The following RBPMS variants were observed in gnomAD, a reference collection of about 807,000 sequenced individuals.
The protein encoded by RBPMS is RNA binding protein, mRNA processing factor, also known as RNA-binding protein with multiple splicing.
A neutral mutation model predicts 26.8 loss-of-function variants in RBPMS; 7 were observed. The ratio of observed to expected loss-of-function variants is 0.26; its 90% CI spans 0.15 to 0.49. The LOEUF (loss-of-function observed/expected upper bound fraction) is 0.49. Ranked by LOEUF, RBPMS falls within the 20% of genes least tolerant of loss-of-function variation. The pLI is 0.98. For synonymous variants in RBPMS, 96 were observed against 93.3 expected, an observed-to-expected ratio of 1.03 and a Z score of -0.17; for missense variants, 186 against 250.0, an observed-to-expected ratio of 0.74 and a Z score of 1.73.
intron 6 of RBPMS, among the ~76,000 whole-genome samples, chr8:30,555,369 A>T (rs779122506): frequency 3.9e-5 from 6 of 152,222 alleles, no homozygotes; most frequent in Non-Finnish European, 8.8e-5. Flanking sequence ...CTAGTGGAGA[A>T]GATTCCCAGG....
At chr8:30,495,372 T>G (rs1437111832) in intron 4 of RBPMS, among the ~76,000 whole-genome samples, 2 of 151,866 alleles carry the variant, frequency 1.3e-5, no homozygotes, top group Non-Finnish European at 2.9e-5. Flanking sequence ...ACTGTTCAAT[T>G]AGGCAATCAA....
At chr8:30,474,660 A>G in intron 1 of RBPMS, 119 bp from the exon 2 acceptor site, 1 of 652,336 alleles carries the variant, frequency 1.5e-6, no homozygotes, top group Non-Finnish European at 2.7e-6. Flanking sequence ...TCATGGAAAG[A>G]GCATGAATTT....
chr8:30,503,964 C>G (rs1304555572), intron 4 of RBPMS, among the ~76,000 whole-genome samples: 2 of 152,136 alleles, frequency 1.3e-5, no homozygotes, highest in East Asian at 3.8e-4. Context: ...TCAGAGGTAA[C>G]TGAAATTACT....
intron 5 of RBPMS, among the ~76,000 whole-genome samples, chr8:30,523,204 C>G (rs1823237722): frequency 6.6e-6 from 1 of 151,894 alleles, no homozygotes; most frequent in African/African-American, 2.4e-5. Context: ...TGGCAAAACC[C>G]CATCTCTACT....
At chr8:30,507,567 AG>A (rs1461025767) in intron 5 of RBPMS, among the ~76,000 whole-genome samples, 1 of 152,240 alleles carries the variant, frequency 6.6e-6, no homozygotes. Context: ...TCAAGAAAGT[AG>A]TATACCTACC....
intron 7 of RBPMS, chr8:30,563,987 C>G (rs1484566051): frequency 6.6e-6 from 1 of 152,232 alleles, no homozygotes; most frequent in African/African-American, 2.4e-5. Context: ...GCAGCTGCAG[C>G]GTCCTGGGGA....
intron 5 of RBPMS, among the ~76,000 whole-genome samples, chr8:30,543,793 G>A (rs1361459308): frequency 6.6e-6 from 1 of 152,162 alleles, no homozygotes; most frequent in African/African-American, 2.4e-5. Flanking sequence ...CAGGCACTTG[G>A]CAATATGACT....
chr8:30,484,359 G>C (rs770568058), intron 4 of RBPMS, among the ~76,000 whole-genome samples: 17 of 152,110 alleles, frequency 1.1e-4, no homozygotes, highest in Non-Finnish European at 2.2e-4. Context: ...TAACATTTCT[G>C]TGACAGTTCT....
chr8:30,537,479 T>G (rs1824915916), intron 5 of RBPMS: 1 of 442,352 alleles, frequency 2.3e-6, no homozygotes, highest in Non-Finnish European at 4.6e-6. Context: ...TTAAAGTCAG[T>G]CTGGCTGAGA....
At chr8:30,551,788 T>C (rs1826406394) in intron 6 of RBPMS, among the ~76,000 whole-genome samples, 1 of 152,206 alleles carries the variant, frequency 6.6e-6, no homozygotes. Context: ...CTGATTTTAA[T>C]GACAGTTTCT....
At chr8:30,467,485 G>A (rs1398380658) in intron 1 of RBPMS, among the ~76,000 whole-genome samples, 1 of 152,138 alleles carries the variant, frequency 6.6e-6, no homozygotes, top group Non-Finnish European at 1.5e-5. Flanking sequence ...ATATTACATG[G>A]TCTGTCAGAA....
chr8:30,497,625 T>G (rs1820118774), intron 4 of RBPMS, among the ~76,000 whole-genome samples: 1 of 151,900 alleles, frequency 6.6e-6, no homozygotes, highest in Admixed American at 6.6e-5. Flanking sequence ...TTTGTTTTGT[T>G]TGTTTGTTTG....
chr8:30,542,052 G>T (rs1454538483), intron 5 of RBPMS, among the ~76,000 whole-genome samples: 2 of 152,174 alleles, frequency 1.3e-5, no homozygotes, highest in African/African-American at 4.8e-5. Context: ...ATTCCTTCAT[G>T]ATGGGAGAAG....
chr8:30,446,207 C>T (rs1246184128), intron 1 of RBPMS, among the ~76,000 whole-genome samples: 2 of 152,170 alleles, frequency 1.3e-5, no homozygotes, highest in African/African-American at 2.4e-5. Context: ...GTTATTCCTT[C>T]GTTCACTTTC....
intron 1 of RBPMS, among the ~76,000 whole-genome samples, chr8:30,443,103 G>A (rs1813313680): frequency 6.6e-6 from 1 of 152,190 alleles, no homozygotes; most frequent in African/African-American, 2.4e-5. Flanking sequence ...ACGGAAAGCA[G>A]TTGTGATAGA....
intron 1 of RBPMS, 64 bp from the exon 2 acceptor site, chr8:30,474,715 C>G (rs902619284): frequency 1.6e-5 from 14 of 862,880 alleles, no homozygotes; most frequent in Non-Finnish European, 2.5e-5. Flanking sequence ...TCTGAGATAT[C>G]AGGTGAGAGT....
intron 1 of RBPMS, among the ~76,000 whole-genome samples, chr8:30,432,086 G>A (rs977046612): frequency 3.3e-4 from 50 of 152,028 alleles, no homozygotes; most frequent in African/African-American, 1.1e-3. Flanking sequence ...TGATCACGCC[G>A]CTGCACTCCA....
chr8:30,539,501 A>T (rs1825151199), intron 5 of RBPMS, among the ~76,000 whole-genome samples: 1 of 152,140 alleles, frequency 6.6e-6, no homozygotes. Context: ...TCTCCCACCC[A>T]GAATTAATCC....
intron 1 of RBPMS, among the ~76,000 whole-genome samples, chr8:30,461,544 G>A (rs1345042363): frequency 6.6e-6 from 1 of 152,100 alleles, no homozygotes; most frequent in Non-Finnish European, 1.5e-5. Context: ...ACAGGCGCGT[G>A]CCACCACGCC....
Sources: allele counts gnomAD v4.1 joint callset (sites outside exome capture counted in the v4.1 genomes callset), GRCh38; gene constraint gnomAD v4.1.1; transcripts MANE v1.5; gene names NCBI Gene and HGNC (gene_info 2026-07-23, HGNC 2026-07-21).